The following HECW2 variants were observed in gnomAD, a reference collection of about 807,000 sequenced individuals.
HECW2 encodes the protein HECT, C2 and WW domain containing E3 ubiquitin protein ligase 2, also known as E3 ubiquitin-protein ligase HECW2.
HECW2 carries 61 observed loss-of-function variants against 175.2 expected under a neutral mutation model. The ratio of observed to expected loss-of-function variants is 0.35; its 90% confidence interval spans 0.28 to 0.43. The LOEUF (loss-of-function observed/expected upper bound fraction) is 0.43, where lower values mean the gene tolerates loss of function less well. HECW2 is among the 20% of genes least tolerant of loss of function. The pLI is 1.00. For synonymous variants in HECW2, 671 were observed against 731.0 expected (o/e 0.92, Z 1.32); for missense variants, 1,524 against 2,000.5 (o/e 0.76, Z 4.54).
At chr2:196,532,565 C>T (rs1688878489) in intron 1 of HECW2, among the ~76,000 whole-genome samples, 1 of 151,902 alleles carries the variant, frequency 6.6e-6, no homozygotes, top group Non-Finnish European at 1.5e-5. Flanking sequence ...CACCATAGCA[C>T]GTGTATACCA....
chr2:196,273,858 C>T (rs1417163268), intron 16 of HECW2, among the ~76,000 whole-genome samples, 163 bp downstream of exon 16: 1 of 152,192 alleles, frequency 6.6e-6, no homozygotes, highest in East Asian at 1.9e-4. Flanking sequence ...CTTTGAGACT[C>T]AAGTCTGTAG....
At chr2:196,495,119 G>A (rs1288263720) in intron 1 of HECW2, among the ~76,000 whole-genome samples, 1 of 151,532 alleles carries the variant, frequency 6.6e-6, no homozygotes, top group Non-Finnish European at 1.5e-5. Flanking sequence ...CCCAGGTGGA[G>A]TGCAATGGCG....
At chr2:196,230,908 C>A (rs985647366) in intron 21 of HECW2, among the ~76,000 whole-genome samples, 7 of 151,934 alleles carry the variant, frequency 4.6e-5, no homozygotes, top group African/African-American at 1.5e-4. Context: ...TTGAGACCAT[C>A]CTGGCCAACA....
At chr2:196,419,785 T>C (rs1575523105) in intron 2 of HECW2, among the ~76,000 whole-genome samples, 1 of 152,156 alleles carries the variant, frequency 6.6e-6, no homozygotes. Flanking sequence ...TGCAATCTTA[T>C]GAGGTTGGTA....
chr2:196,565,271 A>G (rs1170059564), intron 1 of HECW2, among the ~76,000 whole-genome samples: 1 of 152,226 alleles, frequency 6.6e-6, no homozygotes, highest in East Asian at 1.9e-4. Context: ...TGAAAACTCA[A>G]TCTAAATTTG....
intron 1 of HECW2, among the ~76,000 whole-genome samples, chr2:196,560,711 A>G (rs1689968752): frequency 6.6e-6 from 1 of 152,226 alleles, no homozygotes; most frequent in Non-Finnish European, 1.5e-5. Flanking sequence ...TTTTCCCACA[A>G]AAAAGTCCAT....
At chr2:196,588,756 T>C (rs1051020593) in intron 1 of HECW2, among the ~76,000 whole-genome samples, 1 of 152,258 alleles carries the variant, frequency 6.6e-6, no homozygotes, top group East Asian at 1.9e-4. Flanking sequence ...ATCACTTGAG[T>C]CATAGTTAGA....
chr2:196,307,778 A>C (rs1402065964), intron 11 of HECW2, among the ~76,000 whole-genome samples, 157 bp downstream of exon 11: 1 of 152,162 alleles, frequency 6.6e-6, no homozygotes, highest in Non-Finnish European at 1.5e-5. Context: ...AATCAAGAGA[A>C]GTCCAATTGA....
chr2:196,505,985 G>C (rs997262926), intron 1 of HECW2, among the ~76,000 whole-genome samples: 4 of 152,116 alleles, frequency 2.6e-5, no homozygotes, highest in African/African-American at 9.7e-5. Flanking sequence ...GTGATTAAGT[G>C]GGAGCAACAG....
chr2:196,306,442 T>G (rs777875804), intron 13 of HECW2, 46 bp downstream of exon 13: 1 of 1,551,600 alleles, frequency 6.4e-7, no homozygotes, highest in Non-Finnish European at 8.8e-7. Flanking sequence ...GATCATTTGC[T>G]TTGGCCTGCT....
In HECW2 at chr2:196,202,503, A is replaced by G. The variant is rs764461235; in HGVS notation, c.4608-1115T>C. 2.4e-3 allele frequency among the ~76,000 whole-genome samples: 368 copies of G among 152,284 alleles called. 7 individuals are homozygous for G. Among genetic ancestry groups the G allele is most frequent in the Non-Finnish European group, 2.0e-3 (135 of 68,016 alleles). On this transcript the variant is annotated intron_variant, in intron 28 of 28. Transcript: ENST00000644978. Reference sequence around the variant, plus strand: ...TCACCTTTAAAAGGGTGGTTATATAACTTGTCTGAGAAGGATGTGAGGATT... The same window carrying G: ...TCACCTTTAAAAGGGTGGTTATATAGCTTGTCTGAGAAGGATGTGAGGATT...
intron 11 of HECW2, 28 bp downstream of exon 11, chr2:196,307,907 A>G: frequency 6.8e-7 from 1 of 1,481,160 alleles, no homozygotes; most frequent in Non-Finnish European, 9.1e-7. Flanking sequence ...ACAAAATACA[A>G]CAGTCACAGC....
chr2:196,412,627 G>A (rs1695145552), intron 2 of HECW2, among the ~76,000 whole-genome samples: 1 of 152,204 alleles, frequency 6.6e-6, no homozygotes, highest in Admixed American at 6.5e-5. Flanking sequence ...AGCCTTTAGA[G>A]CAGTGGCTTT....
chr2:196,509,385 G>T (rs1475640059), intron 1 of HECW2, among the ~76,000 whole-genome samples: 3 of 152,232 alleles, frequency 2.0e-5, no homozygotes, highest in Admixed American at 6.5e-5. Flanking sequence ...ATGTAAGAAT[G>T]GTTGATTAAA....
intron 1 of HECW2, among the ~76,000 whole-genome samples, chr2:196,590,933 TA>T (rs2125540490): frequency 6.6e-6 from 1 of 152,360 alleles, no homozygotes; most frequent in Non-Finnish European, 1.5e-5. Context: ...ACATTGCTCA[TA>T]ATCTTCATTA....
intron 1 of HECW2, among the ~76,000 whole-genome samples, chr2:196,454,035 G>A (rs577666871): frequency 3.2e-4 from 49 of 152,260 alleles, no homozygotes; most frequent in Non-Finnish European, 5.1e-4. Flanking sequence ...TTTTGAGACA[G>A]AGACTCACTC....
chr2:196,263,785 C>T (rs1227851393), intron 17 of HECW2: 2 of 152,170 alleles, frequency 1.3e-5, no homozygotes, highest in Non-Finnish European at 2.9e-5. Context: ...AAGTTATCTG[C>T]ATGCTAAGAA....
intron 2 of HECW2, among the ~76,000 whole-genome samples, chr2:196,408,113 A>T (rs1695011983): frequency 6.6e-6 from 1 of 152,222 alleles, no homozygotes; most frequent in Admixed American, 6.5e-5. Flanking sequence ...AGTCCTCTAA[A>T]TCAGTACTCC....
chr2:196,514,046 C>T (rs1028375007), intron 1 of HECW2, among the ~76,000 whole-genome samples: 6 of 152,286 alleles, frequency 3.9e-5, no homozygotes, highest in African/African-American at 1.2e-4. Flanking sequence ...GGGCAGGAGC[C>T]TCGCCCTCCC....
Sources: allele counts gnomAD v4.1 joint callset (sites outside exome capture counted in the v4.1 genomes callset), GRCh38; gene constraint gnomAD v4.1.1; transcripts MANE v1.5; gene names NCBI Gene and HGNC (gene_info 2026-07-23, HGNC 2026-07-21).